TRPV1: variants seen among roughly 807,000 people sequenced by gnomAD.
The protein encoded by TRPV1 is transient receptor potential cation channel subfamily V member 1.
TRPV1 carries 82 observed loss-of-function variants against 82.3 expected under a neutral mutation model. The observed-to-expected ratio is 1.00, with a 90% CI of 0.83 to 1.20. The LOEUF (loss-of-function observed/expected upper bound fraction) is 1.20, where lower values mean the gene tolerates loss of function less well. TRPV1 is among the 50% of genes most tolerant of loss of function. The probability of loss-of-function intolerance (pLI) is 0.00; values close to 1 mark genes in which losing one functional copy is unlikely to be tolerated. For synonymous variants in TRPV1, 515 were observed against 467.7 expected, an observed-to-expected ratio of 1.10 and a Z score of -1.30; for missense variants, 1,067 against 1,096.8, an observed-to-expected ratio of 0.97 and a Z score of 0.38.
At chr17:3,598,723 G>C (rs756391905) in intron 2 of TRPV1, among the ~76,000 whole-genome samples, 8 of 151,356 alleles carry the variant, frequency 5.3e-5, no homozygotes, top group Non-Finnish European at 1.2e-4. Flanking sequence ...GTGCCACCAC[G>C]CCTGGCTAAT....
chr17:3,584,585 CA>C (rs2075061798), intron 9 of TRPV1, among the ~76,000 whole-genome samples: 1 of 152,096 alleles, frequency 6.6e-6, no homozygotes, highest in Non-Finnish European at 1.5e-5. Context: ...CACTTGAGGT[CA>C]GGAGTTCAAG....
chr17:3,571,946 G>A (rs941488126), intron 15 of TRPV1, among the ~76,000 whole-genome samples, 176 bp downstream of exon 15: 3 of 152,066 alleles, frequency 2.0e-5, no homozygotes, highest in African/African-American at 7.2e-5. Flanking sequence ...GATCTAAGAT[G>A]GTCCCCTGTG....
intron 2 of TRPV1, among the ~76,000 whole-genome samples, chr17:3,598,922 T>C (rs2075241983): frequency 6.6e-6 from 1 of 151,424 alleles, no homozygotes; most frequent in African/African-American, 2.4e-5. Context: ...AATATGAACG[T>C]TAGAATTCAT....
rs1209920742 is a variant in TRPV1, at chr17:3,568,146, C to A, written c.2348-1159G>T. ...GACCATCCTGGCTAACATGGTGAAACCCCGTCTCTACTAAAAATACAAAAA... is the reference window on the plus strand; with the variant it reads ...GACCATCCTGGCTAACATGGTGAAAACCCGTCTCTACTAAAAATACAAAAA... On this transcript the variant is annotated intron_variant, in intron 16 of 16. Transcript: ENST00000572705. Among the ~76,000 whole-genome samples the A allele has an allele frequency of 5.7e-4, 86 of 152,064 alleles. 3 individuals carry two copies. The highest frequency in any genetic ancestry group is 5.2e-3 in the Admixed American group (80 of 15,280).
chr17:3,585,688 C>T lies in TRPV1; in HGVS notation c.1383+80G>A, dbSNP rs925507372. 85 of 1,502,526 alleles carry T rather than the reference C, an allele frequency of 5.7e-5. 1 individual carries two copies. In the East Asian group the frequency reaches 6.4e-4, roughly 11 times the overall value. The allele number at this position is 1,502,526 out of a possible 1,614,324, so 93.1% of individuals were successfully genotyped here. The stretch of plus-strand genomic sequence containing the variant: ...CCAGGGCAGAGCCTGGGCCTGGGGT[C>T]GGGGAGGTCTCCCGAAATGTCCACA... On this transcript the variant is annotated intron_variant, in intron 9 of 16. Coordinates refer to ENST00000572705, the MANE Select transcript of TRPV1 (RefSeq NM_080704.4).
intron 10 of TRPV1, among the ~76,000 whole-genome samples, chr17:3,582,183 C>T: frequency 1.6e-5 from 1 of 62,654 alleles, no homozygotes; most frequent in Non-Finnish European, 3.7e-5. Context: ...GAGTGAGACT[C>T]CATCTCAAAA....
At chr17:3,592,686 G>A (rs998698203) in intron 2 of TRPV1, 8 of 303,576 alleles carry the variant, frequency 2.6e-5, no homozygotes, top group South Asian at 2.2e-4. Flanking sequence ...ATCCCTCCTC[G>A]TCTCTGGGCC....
chr17:3,580,234 G>GGACTGTAAGTCACGGCAGGGT (rs1344640922), intron 11 of TRPV1, among the ~76,000 whole-genome samples: 1 of 152,164 alleles, frequency 6.6e-6, no homozygotes, highest in Non-Finnish European at 1.5e-5. Context: ...CGTCTCACTC[G>GGACTGTAAGTCACGGCAGGGT]GACTGTAAGT....
At position 3,588,270 on chromosome 17, in the gene TRPV1, G is replaced by A. The variant is rs202033880; in HGVS notation, c.1142C>T (p.Ser381Leu). 1.9e-6 allele frequency: 3 copies of A among 1,582,250 alleles called. No individual in the cohort carries two copies. Among genetic ancestry groups the A allele is most frequent in the South Asian group, 2.3e-5 (2 of 86,080 alleles). Residue 381 changes from serine to leucine, a missense_variant, in exon 8 of 17, where the codon TCG becomes TTG. Physicochemically the swap from Ser to Leu is moderately radical, Grantham distance 145. Coordinates refer to ENST00000572705, the MANE Select transcript of TRPV1 (RefSeq NM_080704.4). ...TEWAYGPVHS[S>L]LYDLSCIDTC... ...GTCGATGCAGGACAGGTCGTACAGC[G>A]AGGAGTGCACGGGCCCGTAGGCCCA...
chr17:3,607,511 G>C, intron 2 of TRPV1, among the ~76,000 whole-genome samples: 1 of 149,840 alleles, frequency 6.7e-6, no homozygotes, highest in Admixed American at 6.8e-5. Flanking sequence ...CACAGTAAGA[G>C]ATTAACAACA....
At chr17:3,606,021 T>C (rs2075294154) in intron 2 of TRPV1, among the ~76,000 whole-genome samples, 2 of 152,126 alleles carry the variant, frequency 1.3e-5, no homozygotes, top group African/African-American at 2.4e-5. Flanking sequence ...TACAGTGGCA[T>C]GATCTCAGCT....
chr17:3,577,390 G>C (rs2074947525), intron 12 of TRPV1, among the ~76,000 whole-genome samples, 198 bp from the exon 13 acceptor site: 1 of 152,198 alleles, frequency 6.6e-6, no homozygotes, highest in Non-Finnish European at 1.5e-5. Context: ...ATGGAGGCCT[G>C]GTGTGCAGGG....
chr17:3,572,684 C>G (rs1160768961), intron 14 of TRPV1, among the ~76,000 whole-genome samples: 1 of 110,058 alleles, frequency 9.1e-6, no homozygotes, highest in Admixed American at 9.7e-5. Context: ...CTCATTCATT[C>G]AAAAACGGAA....
In TRPV1 at chr17:3,566,882, A is replaced by C. The variant is rs771889693; in HGVS notation, c.2453T>G (p.Phe818Cys). The C allele has an allele frequency of 6.2e-7, 1 of 1,613,980 alleles. No homozygotes were observed. Among genetic ancestry groups the C allele is most frequent in the South Asian group, 1.1e-5 (1 of 91,082 alleles). The change falls in exon 17 of 17, where the codon TTT becomes TGT. Residue 818 changes from phenylalanine (F) to cysteine (C), a missense_variant. By Grantham distance (205) the Phe-to-Cys change is radical. Coordinates refer to ENST00000572705, the MANE Select transcript of TRPV1 (RefSeq NM_080704.4). The stretch of plus-strand genomic sequence containing the variant: ...GTCCTCTGGCTTCAGAGACCCTGAA[A>C]ACTGTCGCAGATAAACTTCCTCGGG... Reference protein sequence around the residue: ...AQPEEVYLRQFSGSLKPEDAE... With the variant: ...AQPEEVYLRQCSGSLKPEDAE...
At chr17:3,579,900 A>G (rs1244733155) in intron 11 of TRPV1, among the ~76,000 whole-genome samples, 2 of 152,072 alleles carry the variant, frequency 1.3e-5, no homozygotes, top group Admixed American at 1.3e-4. Flanking sequence ...ATATCTGGAA[A>G]TGTTCTTGAT....
rs1007055098 is a variant in TRPV1 at position 3,589,984 on chromosome 17, C to T, written c.867G>A (p.Leu289=). The change falls in exon 7 of 17, where the codon CTG becomes CTA. Residue 289 remains leucine (L), a synonymous_variant. Transcript: ENST00000572705. The part of the protein sequence containing the change: ...SARDSVGNTV[L]HALVEVADNT... ...TGTCGGCCACCTCCACCAGGGCGTG[C>T]AGCACCGTGTTGCCCACCGAGTCCC... 2 of 1,560,660 alleles carry T rather than the reference C, an allele frequency of 1.3e-6. No homozygotes were observed. Among genetic ancestry groups the T allele is most frequent in the African/African-American group, 1.4e-5 (1 of 73,338 alleles).
intron 16 of TRPV1, among the ~76,000 whole-genome samples, chr17:3,570,783 G>A (rs1281757592): frequency 6.6e-6 from 1 of 151,972 alleles, no homozygotes; most frequent in Non-Finnish European, 1.5e-5. Flanking sequence ...GTGCGATCTC[G>A]GCTCACTGCA....
Position 3,589,858 on chromosome 17 carries a change from G to A in TRPV1, c.993C>T (p.Asn331=), listed in dbSNP as rs774145606. ...HPTLKLEELT[N]KKGMTPLALA... ...GAGCCAGCGGCGTCATTCCCTTCTT[G>A]TTGGTGAGCTCCTCCAGCTTCAGCG... The change falls in exon 7 of 17, where the codon AAC becomes AAT. Residue 331 remains asparagine (N), a synonymous_variant. Coordinates refer to ENST00000572705, the MANE Select transcript of TRPV1 (RefSeq NM_080704.4). The A allele has an allele frequency of 4.3e-6, 7 of 1,613,634 alleles. No homozygotes were observed. The African/African-American group carries it at 8.0e-5, about 18-fold the overall frequency.
At chr17:3,576,653 G>GAAAAAAAAAAAAAA (rs35781190) in intron 13 of TRPV1, among the ~76,000 whole-genome samples, 6 of 41,502 alleles carry the variant, frequency 1.4e-4, no homozygotes, top group Admixed American at 8.0e-4. Context: ...CTCTGTATGA[G>GAAAAAAAAAAAAAA]AAAAAAAAAA....
Sources: gnomAD v4.1 joint callset for allele counts (sites outside exome capture counted in the v4.1 genomes callset) on GRCh38, gnomAD v4.1.1 for gene constraint, MANE v1.5 for transcripts, NCBI Gene and HGNC (gene_info 2026-07-23, HGNC 2026-07-21) for gene names.